Variants in IL1R1 observed in about 807,000 individuals in gnomAD.
IL1R1 encodes interleukin-1 receptor type 1.
A neutral mutation model predicts 50.2 loss-of-function variants in IL1R1; 22 were observed. The ratio of observed to expected loss-of-function variants is 0.44; its 90% CI spans 0.31 to 0.63. The LOEUF is 0.63. IL1R1 is among the 20% of genes least tolerant of loss of function. IL1R1 has a pLI of 0.07. For missense variants in IL1R1, 509 were observed against 676.2 expected, an observed-to-expected ratio of 0.75 and a Z score of 2.74; for synonymous variants, 251 against 236.7, an observed-to-expected ratio of 1.06 and a Z score of -0.55.
In IL1R1 at chr2:102,120,080, C is replaced by T. The variant is rs746683898; in HGVS notation, c.-84+15208C>T. On this transcript the variant is annotated intron_variant, in intron 1 of 10. Coordinates refer to the IL1R1 transcript ENST00000409329. ...CTATCAAAGCTTTCATTTACTGCCT[C>T]GGTATAATTAATTTTCAGTGCTTAT... Among the ~76,000 whole-genome samples the T allele has an allele frequency of 3.3e-5, 5 of 152,198 alleles. No homozygotes were observed. The South Asian group carries it at 6.2e-4, about 19-fold the overall frequency.
intron 1 of IL1R1, among the ~76,000 whole-genome samples, chr2:102,078,449 A>T (rs1295534427): frequency 6.6e-6 from 1 of 152,038 alleles, no homozygotes; most frequent in East Asian, 1.9e-4. Context: ...TAAAAAGCCT[A>T]GTTGAAAGGC....
intron 1 of IL1R1, among the ~76,000 whole-genome samples, chr2:102,089,762 T>G (rs1438362900): frequency 1.3e-5 from 2 of 152,154 alleles, no homozygotes; most frequent in African/African-American, 4.8e-5. Context: ...TGCTTTTAAA[T>G]TGTTGCTATT....
chr2:102,166,278 C>A lies in IL1R1; in HGVS notation c.652C>A (p.Leu218Ile), dbSNP rs1685174625. Residue 218 changes from leucine (L) to isoleucine (I), a missense_variant, in exon 6 of 12, where the codon CTA becomes ATA. Coordinates refer to ENST00000410023, the MANE Select transcript of IL1R1 (RefSeq NM_000877.4). ...TACCCGGGTAATAGAATTTATTACT[C>A]TAGGTGAGTCATAGCTCCAGCCCTA... ...PITRVIEFIT[L>I]EENKPTRPVI... 1 of 1,610,778 alleles carries A rather than the reference C, an allele frequency of 6.2e-7. No homozygotes were observed. The highest frequency in any genetic ancestry group is 1.1e-5 in the South Asian group (1 of 90,786).
At chr2:102,100,112 A>C (rs377178817), upstream of IL1R1, among the ~76,000 whole-genome samples, 40 of 152,290 alleles carry the variant, frequency 2.6e-4, no homozygotes, top group African/African-American at 8.4e-4. Flanking sequence ...ATATTACCAC[A>C]CACCATCTGC....
chr2:102,100,983 A>T (rs557836646), upstream of IL1R1, among the ~76,000 whole-genome samples: 21 of 152,248 alleles, frequency 1.4e-4, no homozygotes, highest in Non-Finnish European at 2.6e-4. Context: ...GCCATCGGGG[A>T]TGGCATGGTT....
chr2:102,096,875 CT>C (rs11300476), intron 1 of IL1R1, among the ~76,000 whole-genome samples: 81,845 of 137,684 alleles, frequency 0.59, 23,645 homozygotes, highest in African/African-American at 0.65. Flanking sequence ...TGAAGTGGAT[CT>C]TTTTTTTTTT....
chr2:102,134,912 C>T (rs568258154), intron 1 of IL1R1, among the ~76,000 whole-genome samples: 23 of 152,220 alleles, frequency 1.5e-4, no homozygotes, highest in Non-Finnish European at 2.1e-4. Flanking sequence ...CTGTTTTTCA[C>T]GGGCATCTTC....
At chr2:102,173,000 T>C (rs1257242294) in intron 9 of IL1R1, among the ~76,000 whole-genome samples, 162 bp downstream of exon 9, 1 of 152,218 alleles carries the variant, frequency 6.6e-6, no homozygotes, top group Non-Finnish European at 1.5e-5. Context: ...CTCTCTCTTC[T>C]TGGAAGCTTT....
intron 1 of IL1R1, among the ~76,000 whole-genome samples, chr2:102,130,147 T>C (rs1014330853): frequency 6.6e-6 from 1 of 152,222 alleles, no homozygotes; most frequent in Non-Finnish European, 1.5e-5. Context: ...TTCTGCATCA[T>C]GCGGTCTCTG....
upstream of IL1R1, among the ~76,000 whole-genome samples, chr2:102,100,106 T>C (rs142487489): frequency 1.8e-4 from 27 of 152,342 alleles, no homozygotes; most frequent in East Asian, 4.8e-3. Context: ...CCAGGAATAT[T>C]ACCACACACC....
At chr2:102,102,728 G>A (rs974902031), upstream of IL1R1, among the ~76,000 whole-genome samples, 22 of 151,994 alleles carry the variant, frequency 1.4e-4, no homozygotes, top group African/African-American at 5.3e-4. Context: ...ATTCTCAATA[G>A]CAAAGACATG....
At chr2:102,086,526 C>G (rs975581759) in intron 1 of IL1R1, among the ~76,000 whole-genome samples, 1 of 147,082 alleles carries the variant, frequency 6.8e-6, no homozygotes, top group African/African-American at 2.5e-5. Flanking sequence ...ATTTTCTACG[C>G]CTTTCTCCCC....
intron 1 of IL1R1, among the ~76,000 whole-genome samples, chr2:102,131,973 G>A (rs1240960107): frequency 6.6e-6 from 1 of 151,978 alleles, no homozygotes; most frequent in Admixed American, 6.6e-5. Flanking sequence ...CCAAGAAACA[G>A]CAGTGACACA....
At chr2:102,096,987 T>C (rs1395572331) in intron 1 of IL1R1, among the ~76,000 whole-genome samples, 3 of 152,008 alleles carry the variant, frequency 2.0e-5, no homozygotes, top group Non-Finnish European at 2.9e-5. Flanking sequence ...CATTGCCACC[T>C]CTGTCATGTA....
intron 1 of IL1R1, among the ~76,000 whole-genome samples, chr2:102,072,841 T>C (rs190706545): frequency 6.6e-6 from 1 of 152,336 alleles, no homozygotes; most frequent in Non-Finnish European, 1.5e-5. Flanking sequence ...AATTTTCCTT[T>C]ACCATTTCCG....
chr2:102,172,945 T>C (rs771324567), intron 9 of IL1R1, 107 bp downstream of exon 9: 7 of 733,266 alleles, frequency 9.5e-6, no homozygotes, highest in Non-Finnish European at 1.4e-5. Flanking sequence ...CTTCACTTCC[T>C]CATTACTTGG....
intron 1 of IL1R1, among the ~76,000 whole-genome samples, chr2:102,148,633 A>G (rs533208187): frequency 2.5e-4 from 38 of 152,338 alleles, no homozygotes; most frequent in African/African-American, 8.7e-4. Context: ...GGATGAAATT[A>G]GTAACCTAGG....
exon 1 of IL1R1, chr2:102,104,638 C>T (rs1032907115): frequency 5.9e-5 from 9 of 152,420 alleles, no homozygotes; most frequent in African/African-American, 9.6e-5. Flanking sequence ...TCCTTTGAGC[C>T]TCCGTACCAG....
At chr2:102,109,995 G>A (rs1680656175) in intron 1 of IL1R1, among the ~76,000 whole-genome samples, 1 of 152,180 alleles carries the variant, frequency 6.6e-6, no homozygotes, top group Non-Finnish European at 1.5e-5. Context: ...TTTTCCATAT[G>A]ATTTTGAAAC....
Sources: gnomAD v4.1 joint callset for allele counts (sites outside exome capture counted in the v4.1 genomes callset) on GRCh38, gnomAD v4.1.1 for gene constraint, MANE v1.5 for transcripts, NCBI Gene and HGNC (gene_info 2026-07-23, HGNC 2026-07-21) for gene names.